The following PRKN variants were observed in gnomAD, a reference collection of about 807,000 sequenced individuals.
PRKN encodes E3 ubiquitin-protein ligase parkin.
A neutral mutation model predicts 59.5 loss-of-function variants in PRKN; 56 were observed. That is an observed-to-expected ratio of 0.94 (90% CI 0.76 to 1.18). PRKN has a LOEUF of 1.18. Ranked by LOEUF, PRKN falls within the 50% of genes most tolerant of loss-of-function variation. PRKN has a pLI of 0.00. For missense variants in PRKN, 657 were observed against 596.4 expected (o/e 1.10, Z -1.06); for synonymous variants, 250 against 222.1 (o/e 1.13, Z -1.12).
chr6:161,757,736 G>A (rs1287963327), intron 7 of PRKN, among the ~76,000 whole-genome samples: 1 of 151,484 alleles, frequency 6.6e-6, no homozygotes, highest in East Asian at 2.0e-4. Context: ...TACTCGGGGG[G>A]CTGAGGCAAG....
At chr6:162,497,717 G>A (rs901593224) in intron 1 of PRKN, among the ~76,000 whole-genome samples, 8 of 152,176 alleles carry the variant, frequency 5.3e-5, no homozygotes, top group Non-Finnish European at 1.2e-4. Flanking sequence ...GAATGACACA[G>A]TTTGAAAAAC....
At chr6:162,271,016 GTTTTTT>G (rs61368267) in intron 2 of PRKN, among the ~76,000 whole-genome samples, 5 of 108,256 alleles carry the variant, frequency 4.6e-5, no homozygotes, top group East Asian at 2.8e-4. Context: ...TAATTTTCTA[GTTTTTT>G]TTTTTTTTTT....
At position 161,496,135 on chromosome 6, in the gene PRKN, C is replaced by T. The variant is rs149102277; in HGVS notation, c.1083+52719G>A. ...GTAAGTGATGTGCTCTTGCCCTTCC[C>T]GGTTTGATGGGAATACAGAATCTCT... On this transcript the variant is annotated intron_variant, in intron 9 of 11. Coordinates refer to ENST00000366898, the MANE Select transcript of PRKN (RefSeq NM_004562.3). 6.7e-3 allele frequency among the ~76,000 whole-genome samples: 1,024 copies of T among 152,316 alleles called. 7 individuals are homozygous for T. Among genetic ancestry groups the T allele is most frequent in the Middle Eastern group, 0.031 (9 of 294 alleles).
intron 7 of PRKN, among the ~76,000 whole-genome samples, chr6:161,768,831 A>G (rs1485779463): frequency 6.6e-6 from 1 of 152,230 alleles, no homozygotes; most frequent in Non-Finnish European, 1.5e-5. Flanking sequence ...CTTAGAAGTT[A>G]TACTAACAAC....
chr6:161,823,025 C>G (rs1407079695), intron 6 of PRKN, among the ~76,000 whole-genome samples: 1 of 151,900 alleles, frequency 6.6e-6, no homozygotes, highest in Non-Finnish European at 1.5e-5. Flanking sequence ...GCCTTGACCG[C>G]TTGGGCTCAA....
rs1309651674 is a variant in PRKN at position 161,454,273 on chromosome 6, T to G, written c.1084-67396A>C. Among the ~76,000 whole-genome samples the G allele has an allele frequency of 6.6e-6, 1 of 152,182 alleles. No homozygotes were observed. The highest frequency in any genetic ancestry group is 1.5e-5 in the Non-Finnish European group (1 of 68,036). On this transcript the variant is annotated intron_variant, in intron 9 of 11. Coordinates refer to ENST00000366898, the MANE Select transcript of PRKN (RefSeq NM_004562.3). This position sits in a 1 kb window ranked among gnomAD's most constrained non-coding sequence, Gnocchi z 4.6. ...CATAGCCTGTGTCTTTTGAGCTCAC[T>G]TTCCATGTTATCCTAGGTCCTGTGA... is the stretch of plus-strand genomic sequence containing the variant.
At chr6:162,673,531 G>A (rs1168965190) in intron 1 of PRKN, among the ~76,000 whole-genome samples, 5 of 152,042 alleles carry the variant, frequency 3.3e-5, no homozygotes, top group Non-Finnish European at 5.9e-5. Context: ...AACTACAGGC[G>A]CACACCATCA....
chr6:162,374,624 T>C (rs1356479412), intron 2 of PRKN, among the ~76,000 whole-genome samples: 2 of 152,070 alleles, frequency 1.3e-5, no homozygotes, highest in Middle Eastern at 3.2e-3. Context: ...GTGGTACTTT[T>C]AGCTATTATT....
intron 1 of PRKN, among the ~76,000 whole-genome samples, chr6:162,692,029 T>C (rs1297823473): frequency 6.6e-6 from 1 of 152,156 alleles, no homozygotes. Context: ...AGCTCTTTAG[T>C]TTAATTAGAT....
Position 161,498,854 on chromosome 6 carries a change from C to G in PRKN, c.1083+50000G>C, listed in dbSNP as rs1448091880. Reference sequence around the variant, plus strand: ...ATTCTAGCGGCTACATTCTATTTTTCAAGTGAAATATGCTTTGGAACACCT... The same window carrying G: ...ATTCTAGCGGCTACATTCTATTTTTGAAGTGAAATATGCTTTGGAACACCT... On this transcript the variant is annotated intron_variant, in intron 9 of 11. Coordinates refer to ENST00000366898, the MANE Select transcript of PRKN (RefSeq NM_004562.3). This position sits in a 1 kb window ranked among gnomAD's most constrained non-coding sequence, Gnocchi z 4.2. 6.6e-6 allele frequency among the ~76,000 whole-genome samples: 1 copy of G among 152,148 alleles called. No individual in the cohort carries two copies. The highest frequency in any genetic ancestry group is 1.9e-4 in the East Asian group (1 of 5,184).
intron 6 of PRKN, among the ~76,000 whole-genome samples, chr6:161,807,264 CACAT>C (rs1004873908): frequency 2.0e-5 from 3 of 152,202 alleles, no homozygotes; most frequent in Non-Finnish European, 2.9e-5. Context: ...CGAATACACA[CACAT>C]ACACACATAA....
At chr6:161,830,250 GT>G (rs1211976118) in intron 6 of PRKN, among the ~76,000 whole-genome samples, 4 of 145,300 alleles carry the variant, frequency 2.8e-5, no homozygotes, top group Non-Finnish European at 4.5e-5. Context: ...TGTTTTTTTT[GT>G]TTTTTGTTTT....
chr6:162,562,950 T>C (rs909709274), intron 1 of PRKN, among the ~76,000 whole-genome samples: 9 of 152,180 alleles, frequency 5.9e-5, no homozygotes, highest in African/African-American at 2.2e-4. Flanking sequence ...GGTGCTTGTG[T>C]CACTCCACCT....
At position 161,458,254 on chromosome 6, in the gene PRKN, C is replaced by T. The variant is rs749203219; in HGVS notation, c.1084-71377G>A. Among the ~76,000 whole-genome samples, 13 of 152,056 alleles carry T rather than the reference C, an allele frequency of 8.5e-5. No individual in the cohort carries two copies. Among genetic ancestry groups the T allele is most frequent in the Non-Finnish European group, 1.6e-4 (11 of 68,022 alleles). On this transcript the variant is annotated intron_variant, in intron 9 of 11. Coordinates refer to ENST00000366898, the MANE Select transcript of PRKN (RefSeq NM_004562.3). The surrounding 1 kb of genome is among the most constrained non-coding windows in gnomAD (Gnocchi z 6.1). ...TGCTGCCACTTACAGATTTCAGAAA[C>T]GTGTTGTCATTCTTTAATCATGATC...
Position 162,396,542 on chromosome 6 carries a change from C to T in PRKN, c.171+46768G>A, listed in dbSNP as rs57630668. Among the ~76,000 whole-genome samples the T allele has an allele frequency of 6.6e-3, 1,005 of 152,252 alleles. 8 individuals are homozygous for T. The highest frequency in any genetic ancestry group is 0.014 in the Middle Eastern group (4 of 294). ...GCCTCGTGACAAGGACCTTGTCTGT[C>T]GCGTTCACTGTTGTCACTCAGTCAG... On this transcript the variant is annotated intron_variant, in intron 2 of 11. Coordinates refer to ENST00000366898, the MANE Select transcript of PRKN (RefSeq NM_004562.3).
intron 7 of PRKN, among the ~76,000 whole-genome samples, chr6:161,652,799 G>A (rs6931289): frequency 0.5 from 76,115 of 152,074 alleles, 21,964 homozygotes; most frequent in African/African-American, 0.81. Flanking sequence ...TAAAAGTTAA[G>A]AGGAGGTGGC....
chr6:162,662,450 T>C (rs1778924290), intron 1 of PRKN, among the ~76,000 whole-genome samples: 1 of 152,024 alleles, frequency 6.6e-6, no homozygotes, highest in South Asian at 2.1e-4. Context: ...TCTATTTTTG[T>C]TTATGTTGCA....
intron 6 of PRKN, among the ~76,000 whole-genome samples, chr6:161,842,801 G>T (rs923352257): frequency 4.6e-5 from 7 of 152,052 alleles, no homozygotes; most frequent in Non-Finnish European, 8.8e-5. Context: ...GCCCTCCTCG[G>T]CCTCCCAAAG....
At chr6:162,290,628 C>T (rs913235391) in intron 2 of PRKN, among the ~76,000 whole-genome samples, 2 of 151,884 alleles carry the variant, frequency 1.3e-5, no homozygotes, top group Admixed American at 1.3e-4. Context: ...ATATTAATGC[C>T]GTAGATTTTC....
Sources: allele counts gnomAD v4.1 joint callset (sites outside exome capture counted in the v4.1 genomes callset), GRCh38; gene constraint gnomAD v4.1.1; non-coding constraint Gnocchi (gnomAD v3.1); transcripts MANE v1.5; gene names NCBI Gene and HGNC (gene_info 2026-07-23, HGNC 2026-07-21).